SNX1: variants seen among roughly 807,000 people sequenced by gnomAD.
SNX1 encodes the protein sorting nexin 1.
A neutral mutation model predicts 71.8 loss-of-function variants in SNX1; 36 were observed. That is an observed-to-expected ratio of 0.50 (90% CI 0.38 to 0.66). The LOEUF (loss-of-function observed/expected upper bound fraction) is 0.66. Among genes scored for constraint, SNX1 ranks in the 30% least tolerant of loss-of-function variants. The probability of loss-of-function intolerance (pLI) is 0.00; values close to 1 mark genes in which losing one functional copy is unlikely to be tolerated. For synonymous variants in SNX1, 254 were observed against 240.7 expected, an observed-to-expected ratio of 1.06 and a Z score of -0.51; for missense variants, 612 against 646.7, an observed-to-expected ratio of 0.95 and a Z score of 0.58.
chr15:64,131,565 G>A (rs994922127), intron 10 of SNX1, 122 bp from the exon 11 acceptor site: 1 of 831,334 alleles, frequency 1.2e-6, no homozygotes, highest in African/African-American at 1.7e-5. Flanking sequence ...CTGGGTTGCA[G>A]AGCCCTCAGT....
At chr15:64,135,603 A>G (rs749657501) in intron 12 of SNX1, among the ~76,000 whole-genome samples, 1 of 151,604 alleles carries the variant, frequency 6.6e-6, no homozygotes, top group Non-Finnish European at 1.5e-5. Flanking sequence ...TAAAAAAAAT[A>G]CAAAAATTAG....
intron 1 of SNX1, among the ~76,000 whole-genome samples, chr15:64,106,682 G>T (rs965955439): frequency 6.6e-6 from 1 of 152,174 alleles, no homozygotes. Flanking sequence ...AAAAATGTAA[G>T]ACAGGCTATG....
intron 1 of SNX1, 21 bp downstream of exon 1, chr15:64,096,193 G>T (rs2306010): frequency 1.3e-6 from 2 of 1,545,444 alleles, no homozygotes; most frequent in Admixed American, 4.0e-5. Context: ...ACCCCTCGGG[G>T]TAGCAGGCGG....
chr15:64,131,384 C>T (rs1216728630), intron 10 of SNX1, among the ~76,000 whole-genome samples: 5 of 152,118 alleles, frequency 3.3e-5, no homozygotes, highest in Admixed American at 6.5e-5. Flanking sequence ...TTTCTTTGGC[C>T]TGTTTGTTAT....
intron 1 of SNX1, among the ~76,000 whole-genome samples, chr15:64,104,457 T>C (rs28756919): frequency 1.3e-5 from 2 of 152,172 alleles, no homozygotes; most frequent in Admixed American, 1.3e-4. Flanking sequence ...GTATTTCTAG[T>C]AGAGACAGGG....
rs1366572123 is a variant in SNX1 at position 64,139,368 on chromosome 15, G to A, written c.*1750G>A. 1 of 131,530 alleles carries A rather than the reference G, an allele frequency of 7.6e-6. No homozygotes were observed. Among genetic ancestry groups the A allele is most frequent in the Non-Finnish European group, 1.6e-5 (1 of 63,094 alleles). 8.1% of individuals were successfully genotyped at this position (131,530 alleles called of 1,614,324 possible). On this transcript the variant is annotated 3_prime_UTR_variant, in exon 15 of 15. Coordinates refer to ENST00000559844, the MANE Select transcript of SNX1 (RefSeq NM_003099.5). The stretch of plus-strand genomic sequence containing the variant: ...AGGGGTTGTTTGTTTTGTTTTATTG[G>A]TAACTTTAAAATTTTGAATACAATT...
In SNX1 at chr15:64,138,297, G is replaced by T; in HGVS notation, c.*679G>T. 5 of 1,055,082 alleles carry T rather than the reference G, an allele frequency of 4.7e-6. No individual in the cohort carries two copies. The highest frequency in any genetic ancestry group is 2.0e-5 in the South Asian group (1 of 48,954). The allele number at this position is 1,055,082 out of a possible 1,614,324, so 65.4% of individuals were successfully genotyped here. ...AAAATCTATTAAAACCTATTCTCCT[G>T]CAAAGGAGGCAGAGACTTTCTCTCT... On this transcript the variant is annotated 3_prime_UTR_variant, in exon 15 of 15. Transcript: ENST00000559844.
In SNX1 at chr15:64,117,495, C is replaced by G. The variant is rs577406475; in HGVS notation, c.272-622C>G. Among the ~76,000 whole-genome samples the G allele has an allele frequency of 3.3e-5, 5 of 152,254 alleles. No homozygotes were observed. The South Asian group carries it at 1.0e-3, about 32-fold the overall frequency. Reference sequence around the variant, plus strand: ...GTGGTTTTAAACTCCTGAGCTCAGGCAGTCCTCCCACCTTGGCCTCCCAAA... The same window carrying G: ...GTGGTTTTAAACTCCTGAGCTCAGGGAGTCCTCCCACCTTGGCCTCCCAAA... On this transcript the variant is annotated intron_variant, in intron 2 of 14. Transcript: ENST00000559844.
Position 64,118,852 on chromosome 15 carries a change from T to G in SNX1, c.464T>G (p.Ile155Arg). The change falls in exon 4 of 15, where the codon ATA becomes AGA. Residue 155 changes from isoleucine to arginine, a missense_variant and splice_region_variant. Around this residue, in one of 2 missense-constraint regions of SNX1, gnomAD observed 316 missense variants for 284.9 expected, o/e 1.11. Coordinates refer to ENST00000559844, the MANE Select transcript of SNX1 (RefSeq NM_003099.5). ...LTVGITDPEK[I>R]GDGMNAYVAY... ...GTCGGTATAACTGATCCTGAGAAGA[T>G]AGGTAAGTGGTTCTTAGGACTCCTT... 1 of 1,611,584 alleles carries G rather than the reference T, an allele frequency of 6.2e-7. No homozygotes were observed. Among genetic ancestry groups the G allele is most frequent in the Non-Finnish European group, 8.5e-7 (1 of 1,177,936 alleles).
intron 4 of SNX1, among the ~76,000 whole-genome samples, chr15:64,120,762 G>T (rs948912825): frequency 2.0e-5 from 3 of 152,118 alleles, no homozygotes; most frequent in African/African-American, 7.2e-5. Flanking sequence ...GATCATTTGA[G>T]CCTGGAAGGT....
rs2081413725 is a variant in SNX1, at chr15:64,141,456, G to A, written c.*3838G>A. The A allele has an allele frequency of 6.6e-6, 1 of 152,404 alleles. No homozygotes were observed. Among genetic ancestry groups the A allele is most frequent in the Non-Finnish European group, 1.5e-5 (1 of 68,174 alleles). The allele number at this position is 152,404 out of a possible 1,614,324, so 9.4% of individuals were successfully genotyped here. ...CAGAAGCCTCTACAAGGAATAACAG[G>A]AGCACAAAGGAAGAAGGTGGTATTC... On this transcript the variant is annotated 3_prime_UTR_variant, in exon 15 of 15. Transcript: ENST00000559844. The surrounding 1 kb of genome is among the most constrained non-coding windows in gnomAD (Gnocchi z 5.1).
At chr15:64,105,546 G>A (rs554494600) in intron 1 of SNX1, among the ~76,000 whole-genome samples, 4 of 152,104 alleles carry the variant, frequency 2.6e-5, no homozygotes, top group Non-Finnish European at 4.4e-5. Context: ...CTTTTGCTTC[G>A]TCACGTGGAC....
intron 1 of SNX1, among the ~76,000 whole-genome samples, chr15:64,105,785 A>G (rs796110853): frequency 3.3e-5 from 5 of 152,310 alleles, no homozygotes; most frequent in East Asian, 1.9e-4. Context: ...GGCCTTGCAC[A>G]TGATTTTCCT....
chr15:64,104,998 G>C (rs750616454), intron 1 of SNX1, among the ~76,000 whole-genome samples: 3 of 152,008 alleles, frequency 2.0e-5, no homozygotes, highest in Non-Finnish European at 4.4e-5. Flanking sequence ...ACTTTGGGAG[G>C]CTGAGGTGGG....
At chr15:64,133,169 G>C (rs1029208935) in intron 11 of SNX1, among the ~76,000 whole-genome samples, 7 of 152,228 alleles carry the variant, frequency 4.6e-5, no homozygotes, top group African/African-American at 1.7e-4. Flanking sequence ...ATGCTTATGA[G>C]CCTGGTGGTG....
chr15:64,110,921 G>A (rs1595983362), intron 1 of SNX1, among the ~76,000 whole-genome samples: 1 of 152,272 alleles, frequency 6.6e-6, no homozygotes, highest in Middle Eastern at 3.4e-3. Context: ...CACAGGAATG[G>A]GTCCTTCTAG....
intron 1 of SNX1, among the ~76,000 whole-genome samples, chr15:64,110,155 A>G (rs2081064578): frequency 6.6e-6 from 1 of 152,220 alleles, no homozygotes; most frequent in African/African-American, 2.4e-5. Flanking sequence ...ATGCTCAGGC[A>G]GTAGAGGGGA....
In SNX1 at chr15:64,134,797, A is replaced by G. The variant is rs781522804; in HGVS notation, c.1355A>G (p.Glu452Gly). The G allele has an allele frequency of 3.1e-6, 5 of 1,613,950 alleles. No homozygotes were observed. ...KPDKLQQAKD[E>G]ILEWESRVTQ... ...GATAAGCTGCAGCAGGCCAAGGACG[A>G]GATCCTCGAGGTGAGTCCACTGAGG... is the stretch of plus-strand genomic sequence containing the variant. The change falls in exon 12 of 15, where the codon GAG becomes GGG. Residue 452 changes from glutamate (E) to glycine (G), a missense_variant. Physicochemically the swap from Glu to Gly is moderately conservative, Grantham distance 98. This residue lies in a region of SNX1 where 296 missense variants were observed against 361.9 expected (regional missense o/e 0.82). Coordinates refer to ENST00000559844, the MANE Select transcript of SNX1 (RefSeq NM_003099.5). This position sits in a 1 kb window ranked among gnomAD's most constrained non-coding sequence, Gnocchi z 4.1.
At position 64,138,828 on chromosome 15, in the gene SNX1, TG is replaced by T; in HGVS notation, c.*1211del. ...TTGAAGCTCCTTTGTGAGCTCGAGC[TG>T]CTGACTGCCACTATGGGAGCCTTGC... On this transcript the variant is annotated 3_prime_UTR_variant, in exon 15 of 15. Coordinates refer to ENST00000559844, the MANE Select transcript of SNX1 (RefSeq NM_003099.5). 1 of 152,426 alleles carries T rather than the reference TG, an allele frequency of 6.6e-6. No homozygotes were observed. Among genetic ancestry groups the T allele is most frequent in the Non-Finnish European group, 1.5e-5 (1 of 68,228 alleles). The allele number at this position is 152,426 out of a possible 1,614,324, so 9.4% of individuals were successfully genotyped here. A position where few individuals can be genotyped will look rare whatever the true frequency, so the allele number is the denominator to read the frequency against.
Sources: gnomAD v4.1 joint callset for allele counts (sites outside exome capture counted in the v4.1 genomes callset) on GRCh38, gnomAD v4.1.1 for gene constraint, gnomAD v4.1.1 regional missense constraint, Gnocchi (gnomAD v3.1) non-coding constraint, MANE v1.5 for transcripts, NCBI Gene and HGNC (gene_info 2026-07-23, HGNC 2026-07-21) for gene names.